ZNF626: variants seen among roughly 807,000 people sequenced by gnomAD.
ZNF626 encodes the protein CTC-513N18.7.
Under a neutral mutation model 11.7 loss-of-function variants are expected in ZNF626, and 4 were observed. That is an observed-to-expected ratio of 0.34 (90% CI 0.17 to 0.78). The LOEUF (loss-of-function observed/expected upper bound fraction) is 0.78, where lower values mean the gene tolerates loss of function less well. Ranked by LOEUF, ZNF626 falls within the 30% of genes least tolerant of loss-of-function variation. The probability of loss-of-function intolerance (pLI) is 0.57; values close to 1 mark genes in which losing one functional copy is unlikely to be tolerated. For synonymous variants in ZNF626, 179 were observed against 198.6 expected, an observed-to-expected ratio of 0.90 and a Z score of 0.83; for missense variants, 588 against 587.1, an observed-to-expected ratio of 1.00 and a Z score of -0.01.
intron 3 of ZNF626, among the ~76,000 whole-genome samples, chr19:20,629,371 G>A (rs1323226856): frequency 6.6e-6 from 1 of 152,156 alleles, no homozygotes; most frequent in African/African-American, 2.4e-5. Context: ...ATTACCCTGG[G>A]CTGTATGGCT....
chr19:20,651,930 T>A (rs191065413), intron 1 of ZNF626, among the ~76,000 whole-genome samples: 100 of 152,318 alleles, frequency 6.6e-4, no homozygotes, highest in African/African-American at 2.3e-3. Flanking sequence ...AAGATGCTTT[T>A]TTTTTACACT....
intron 3 of ZNF626, among the ~76,000 whole-genome samples, chr19:20,631,208 T>G (rs1357131051): frequency 2.6e-5 from 4 of 151,884 alleles, no homozygotes; most frequent in Admixed American, 2.0e-4. Context: ...GTGGTCAATT[T>G]TGAAGTAGGT....
intron 3 of ZNF626, among the ~76,000 whole-genome samples, chr19:20,635,213 C>G (rs1969953295): frequency 6.6e-6 from 1 of 152,100 alleles, no homozygotes. Flanking sequence ...TTGAAAAGTG[C>G]CACGAAATTG....
chr19:20,659,660 C>A (rs1416747794), intron 1 of ZNF626, among the ~76,000 whole-genome samples: 1 of 152,038 alleles, frequency 6.6e-6, no homozygotes, highest in Non-Finnish European at 1.5e-5. Flanking sequence ...ATTTTTGCAA[C>A]CCATGAAGAT....
chr19:20,625,562 T>C lies in ZNF626; in HGVS notation c.315A>G (p.Lys105=), dbSNP rs1269554455. 1.2e-6 allele frequency: 2 copies of C among 1,612,358 alleles called. No individual in the cohort carries two copies. Among genetic ancestry groups the C allele is most frequent in the Non-Finnish European group, 1.7e-6 (2 of 1,179,358 alleles). Residue 105 remains lysine (K), a synonymous_variant, in exon 4 of 4, where the codon AAA becomes AAG. Transcript: ENST00000601440. The stretch of plus-strand genomic sequence containing the variant: ...TTAACTGTAAATTGTCATGTTCACA[T>C]TTTTCATATCTTCTCAGTACCACTT... The part of the protein sequence containing the change: ...FQKVVLRRYE[K]CEHDNLQLKK...
At chr19:20,654,624 G>C (rs1970185129) in intron 1 of ZNF626, among the ~76,000 whole-genome samples, 1 of 151,984 alleles carries the variant, frequency 6.6e-6, no homozygotes, top group South Asian at 2.1e-4. Context: ...CAGGAGAATG[G>C]CATGAACCCG....
chr19:20,652,080 C>T (rs1413599105), intron 1 of ZNF626, among the ~76,000 whole-genome samples: 1 of 152,202 alleles, frequency 6.6e-6, no homozygotes, highest in Non-Finnish European at 1.5e-5. Flanking sequence ...TGACATCTCA[C>T]AATGCAGAAA....
intron 3 of ZNF626, among the ~76,000 whole-genome samples, chr19:20,642,200 A>C (rs1970031231): frequency 6.6e-6 from 1 of 152,246 alleles, no homozygotes; most frequent in Non-Finnish European, 1.5e-5. Context: ...CGTGCAATTT[A>C]TCTCTTAAGC....
rs781955589 is a variant in ZNF626, at chr19:20,625,336, C to T, written c.541G>A (p.Ala181Thr). Residue 181 changes from alanine to threonine, a missense_variant, in exon 4 of 4, where the codon GCT becomes ACT. By Grantham distance (58) the Ala-to-Thr change is moderately conservative. Coordinates refer to ENST00000601440, the MANE Select transcript of ZNF626 (RefSeq NM_001076675.3). ...GTAAGAGTTGAGAACTGCTTAAAAGCTTTGCCACATTCTATATATTTGAAA... is the reference window on the plus strand; with the variant it reads ...GTAAGAGTTGAGAACTGCTTAAAAGTTTTGCCACATTCTATATATTTGAAA... ...KPFKYIECGK[A>T]FKQFSTLTTH... The T allele has an allele frequency of 3.0e-5, 49 of 1,613,802 alleles. No homozygotes were observed. Among genetic ancestry groups the T allele is most frequent in the Non-Finnish European group, 3.7e-5 (44 of 1,179,942 alleles).
At position 20,647,484 on chromosome 19, in the gene ZNF626, G is replaced by GTT. The variant is rs71174723; in HGVS notation, c.4-1081_4-1080dup. 5.2e-3 allele frequency among the ~76,000 whole-genome samples: 639 copies of GTT among 122,764 alleles called. 24 individuals are homozygous for GTT. Among genetic ancestry groups the GTT allele is most frequent in the East Asian group, 0.02 (76 of 3,858 alleles). The allele number at this position is 122,764 out of a possible 152,430, so 80.5% of individuals were successfully genotyped here. On this transcript the variant is annotated intron_variant, in intron 1 of 3. Coordinates refer to ENST00000601440, the MANE Select transcript of ZNF626 (RefSeq NM_001076675.3). ...AACTGTTAACTGCACTAGGACAATG[G>GTT]TTTTTTTTTTTTTTTTTTTTGAGAC...
intron 3 of ZNF626, among the ~76,000 whole-genome samples, chr19:20,629,431 A>G (rs1969877607): frequency 6.6e-6 from 1 of 152,074 alleles, no homozygotes; most frequent in Admixed American, 6.6e-5. Context: ...ATGTTCTTCC[A>G]TTTGTTTGTA....
Position 20,624,795 on chromosome 19 carries a change from C to A in ZNF626, c.1082G>T (p.Arg361Ile), listed in dbSNP as rs200693647. ...GTAGGGTTTCTCTCCAGTATGAATT[C>A]TCTTATGTGTAGTAAGGGTAGAGGA... Reference protein sequence around the residue: ...KYSSTLTTHKRIHTGEKPYKC... With the variant: ...KYSSTLTTHKIIHTGEKPYKC... Residue 361 changes from arginine to isoleucine, a missense_variant, in exon 4 of 4, where the codon AGA (arginine) becomes ATA (isoleucine). By Grantham distance (97) the Arg-to-Ile change is moderately conservative. Coordinates refer to ENST00000601440, the MANE Select transcript of ZNF626 (RefSeq NM_001076675.3). 1.7e-4 allele frequency: 272 copies of A among 1,607,610 alleles called. 3 individuals carry two copies. In the East Asian group the frequency reaches 5.9e-3, roughly 35 times the overall value.
At chr19:20,654,071 T>C (rs1970177675) in intron 1 of ZNF626, among the ~76,000 whole-genome samples, 1 of 152,242 alleles carries the variant, frequency 6.6e-6, no homozygotes, top group African/African-American at 2.4e-5. Context: ...TCTTTGGATA[T>C]TAGATATAAA....
chr19:20,652,934 T>G (rs1970163319), intron 1 of ZNF626, among the ~76,000 whole-genome samples: 1 of 152,196 alleles, frequency 6.6e-6, no homozygotes, highest in South Asian at 2.1e-4. Flanking sequence ...CCCCATGGTC[T>G]CTGAATCAGT....
chr19:20,625,590 T>C lies in ZNF626; in HGVS notation c.287A>G (p.Gln96Arg), dbSNP rs781923930. ...TTCATATCTTCTCAGTACCACTTTT[T>C]GGAAAGAATCTTTCATGCTCTGCTC... The part of the protein sequence containing the change: ...WPEQSMKDSF[Q>R]KVVLRRYEKC... Residue 96 changes from glutamine to arginine, a missense_variant, in exon 4 of 4, where the codon CAA (glutamine) becomes CGA (arginine). Gln to Arg is a conservative substitution (Grantham distance 43). Transcript: ENST00000601440. 5 of 1,601,998 alleles carry C rather than the reference T, an allele frequency of 3.1e-6. No individual in the cohort carries two copies. The East Asian group carries it at 6.7e-5, about 21-fold the overall frequency.
In ZNF626 at chr19:20,625,382, T is replaced by A; in HGVS notation, c.495A>T (p.Arg165Ser). The A allele has an allele frequency of 1.9e-6, 3 of 1,614,076 alleles. No individual in the cohort carries two copies. Among genetic ancestry groups the A allele is most frequent in the Non-Finnish European group, 2.5e-6 (3 of 1,180,006 alleles). The stretch of plus-strand genomic sequence containing the variant: ...TGAAAGGTTTTTTCCCAGTATGTCC[T>A]CTCTTTTGTCCGTTTGAATTTGGAA... The part of the protein sequence containing the change: ...HQFPNSNGQK[R>S]GHTGKKPFKY... The change falls in exon 4 of 4, where the codon AGA becomes AGT. Residue 165 changes from arginine to serine, a missense_variant. Arg to Ser is a moderately radical substitution (Grantham distance 110). This residue lies in a region of ZNF626 where 524 missense variants were observed against 470.1 expected (regional missense o/e 1.11). Coordinates refer to ENST00000601440, the MANE Select transcript of ZNF626 (RefSeq NM_001076675.3).
intron 3 of ZNF626, among the ~76,000 whole-genome samples, chr19:20,631,293 C>G (rs8103370): frequency 0.45 from 67,913 of 151,360 alleles, 16,497 homozygotes; most frequent in African/African-American, 0.64. Flanking sequence ...ATTAGGTCCT[C>G]TTGGTGCAGA....
chr19:20,643,321 G>T (rs1159017936), intron 3 of ZNF626, among the ~76,000 whole-genome samples: 1 of 151,638 alleles, frequency 6.6e-6, no homozygotes, highest in Non-Finnish European at 1.5e-5. Flanking sequence ...ATATTTTGGA[G>T]AATAGGGTTA....
chr19:20,643,386 G>A (rs1970043902), intron 3 of ZNF626, among the ~76,000 whole-genome samples: 1 of 151,898 alleles, frequency 6.6e-6, no homozygotes, highest in Non-Finnish European at 1.5e-5. Flanking sequence ...TTTATATACA[G>A]GGTGAAGAAA....
Sources: allele counts gnomAD v4.1 joint callset (sites outside exome capture counted in the v4.1 genomes callset), GRCh38; gene constraint gnomAD v4.1.1; regional missense constraint gnomAD v4.1.1; transcripts MANE v1.5; gene names NCBI Gene and HGNC (gene_info 2026-07-23, HGNC 2026-07-21).